FMR1NB: variants seen among roughly 807,000 people sequenced by gnomAD.
FMR1NB encodes the protein FMR1 neighbor protein.
Under a neutral mutation model 16.8 loss-of-function variants are expected in FMR1NB, and 10 were observed. That is an observed-to-expected ratio of 0.60 (90% CI 0.37 to 1.01). The LOEUF is 1.01. Ranked by LOEUF, FMR1NB falls within the 50% of genes least tolerant of loss-of-function variation. FMR1NB has a pLI of 0.01. For missense variants in FMR1NB, 205 were observed against 204.8 expected, an observed-to-expected ratio of 1.00 and a Z score of 0.00; for synonymous variants, 83 against 79.1, an observed-to-expected ratio of 1.05 and a Z score of -0.26.
At chrX:147,988,053 A>G (rs2044485855) in intron 1 of FMR1NB, among the ~76,000 whole-genome samples, 1 of 111,820 alleles carries the variant, frequency 8.9e-6, no homozygotes, top group African/African-American at 3.3e-5. Context: ...TGATCCTGTC[A>G]TCATGATGCT....
Position 148,000,507 on chromosome X carries a change from A to G in FMR1NB, c.278-2694A>G, listed in dbSNP as rs554125336. Reference sequence around the variant, plus strand: ...AGGAATGTTGAATCATGAATCCTATATAAAACATTAGCACTTGTGGACTTT... The same window carrying G: ...AGGAATGTTGAATCATGAATCCTATGTAAAACATTAGCACTTGTGGACTTT... On this transcript the variant is annotated intron_variant, in intron 1 of 5. Coordinates refer to ENST00000370467, the MANE Select transcript of FMR1NB (RefSeq NM_152578.3). Among the ~76,000 whole-genome samples the G allele has an allele frequency of 1.0e-3, 113 of 112,439 alleles. 4 individuals are homozygous for G. In the South Asian group the frequency reaches 0.039, roughly 39 times the overall value.
At chrX:147,993,299 G>C (rs1444428931) in intron 1 of FMR1NB, among the ~76,000 whole-genome samples, 7 of 111,277 alleles carry the variant, frequency 6.3e-5, no homozygotes, top group African/African-American at 2.3e-4. Context: ...GCAGGCATTC[G>C]GCAGACTGAG....
At chrX:148,010,138 C>A (rs1203456880) in intron 4 of FMR1NB, among the ~76,000 whole-genome samples, 2 of 112,121 alleles carry the variant, frequency 1.8e-5, no homozygotes, top group African/African-American at 6.5e-5. Flanking sequence ...AAGGATTGTT[C>A]TCTGATCCTA....
intron 4 of FMR1NB, among the ~76,000 whole-genome samples, chrX:148,015,507 A>G (rs1396483110): frequency 9.0e-6 from 1 of 111,625 alleles, no homozygotes; most frequent in East Asian, 2.8e-4. Context: ...AGGTTTTGGT[A>G]TATCATGTTT....
chrX:148,011,243 G>A (rs999559354), intron 4 of FMR1NB, among the ~76,000 whole-genome samples: 5 of 108,641 alleles, frequency 4.6e-5, no homozygotes, highest in African/African-American at 6.8e-5. Context: ...TAGCCTGGGC[G>A]ACAGAGTGAG....
At chrX:147,990,630 T>C (rs1183359049) in intron 1 of FMR1NB, among the ~76,000 whole-genome samples, 1 of 111,440 alleles carries the variant, frequency 9.0e-6, no homozygotes, top group Non-Finnish European at 1.9e-5. Context: ...TTCTAGCTAC[T>C]TTGAAATATA....
At chrX:148,006,345 G>A (rs2044596175) in intron 2 of FMR1NB, among the ~76,000 whole-genome samples, 4 of 111,716 alleles carry the variant, frequency 3.6e-5, no homozygotes, top group African/African-American at 1.3e-4. Flanking sequence ...ATATATGTGG[G>A]ATCATTTTAA....
intron 1 of FMR1NB, among the ~76,000 whole-genome samples, chrX:147,982,588 CA>C (rs79206034): frequency 0.25 from 6,953 of 28,258 alleles, 101 homozygotes; most frequent in Non-Finnish European, 0.26. Context: ...GACTCCGTCT[CA>C]AAAAAAAAAA....
intron 1 of FMR1NB, among the ~76,000 whole-genome samples, chrX:147,984,656 TAG>T (rs1569546513): frequency 8.9e-6 from 1 of 111,865 alleles, no homozygotes; most frequent in Non-Finnish European, 1.9e-5. Context: ...TATCTGTAAA[TAG>T]AGAGAGTTTT....
intron 1 of FMR1NB, among the ~76,000 whole-genome samples, chrX:147,995,970 T>G (rs1028197823): frequency 8.9e-6 from 1 of 112,132 alleles, no homozygotes. Context: ...TTCAGTTATC[T>G]TATCGAAAAA....
intron 2 of FMR1NB, among the ~76,000 whole-genome samples, 176 bp from the exon 3 acceptor site, chrX:148,006,526 T>C (rs2044597145): frequency 8.9e-6 from 1 of 112,661 alleles, no homozygotes; most frequent in Non-Finnish European, 1.9e-5. Flanking sequence ...AAATGTGATA[T>C]TAAATAACTT....
chrX:148,021,030 TG>T (rs2044675467), intron 4 of FMR1NB, among the ~76,000 whole-genome samples: 1 of 112,071 alleles, frequency 8.9e-6, no homozygotes, highest in African/African-American at 3.3e-5. Flanking sequence ...AGTGAACTTT[TG>T]GCCCACAGTG....
intron 3 of FMR1NB, among the ~76,000 whole-genome samples, chrX:148,007,149 C>T (rs1435997534): frequency 8.9e-6 from 1 of 112,235 alleles, no homozygotes; most frequent in African/African-American, 3.2e-5. Flanking sequence ...GAGAAGATAC[C>T]GGTTGGGCAT....
intron 1 of FMR1NB, 79 bp downstream of exon 1, chrX:147,981,758 A>T: frequency 2.0e-6 from 2 of 1,008,899 alleles, no homozygotes; most frequent in Non-Finnish European, 2.6e-6. Flanking sequence ...GTGTGGCAAC[A>T]CACCGGCACC....
At chrX:148,009,735 T>G (rs782695278) in intron 4 of FMR1NB, among the ~76,000 whole-genome samples, 1 of 111,638 alleles carries the variant, frequency 9.0e-6, no homozygotes, top group African/African-American at 3.3e-5. Flanking sequence ...TGTTGAAGGT[T>G]AAGCATGTTT....
intron 1 of FMR1NB, among the ~76,000 whole-genome samples, chrX:147,986,927 C>T (rs782205507): frequency 3.1e-4 from 35 of 111,923 alleles, no homozygotes; most frequent in East Asian, 8.4e-4. Context: ...GCCATTTTCA[C>T]GATACTGATT....
At chrX:148,024,764 A>T in intron 4 of FMR1NB, 101 bp from the exon 5 acceptor site, 1 of 975,967 alleles carries the variant, frequency 1.0e-6, no homozygotes, top group Non-Finnish European at 1.4e-6. Context: ...CAGGTGGGAA[A>T]GTATAGTTAT....
rs1288890142 is a variant in FMR1NB, at chrX:148,013,023, T to G, written c.632+4312T>G. 2.7e-5 allele frequency among the ~76,000 whole-genome samples: 3 copies of G among 111,871 alleles called. No homozygotes were observed. The Admixed American group carries it at 2.8e-4, about 11-fold the overall frequency. ...AAAAGTATGACTAGGCTGTAAGAAC[T>G]TTGATAAAATATGTCAGATGAGAAT... On this transcript the variant is annotated intron_variant, in intron 4 of 5. Coordinates refer to ENST00000370467, the MANE Select transcript of FMR1NB (RefSeq NM_152578.3).
intron 4 of FMR1NB, among the ~76,000 whole-genome samples, chrX:148,018,901 G>A (rs1557190371): frequency 9.0e-6 from 1 of 111,152 alleles, no homozygotes; most frequent in African/African-American, 3.3e-5. Flanking sequence ...TACAAAATGG[G>A]AGAAAATTTT....
Sources: gnomAD v4.1 joint callset for allele counts (sites outside exome capture counted in the v4.1 genomes callset) on GRCh38, gnomAD v4.1.1 for gene constraint, MANE v1.5 for transcripts, NCBI Gene and HGNC (gene_info 2026-07-23, HGNC 2026-07-21) for gene names.